TET1: variants seen among roughly 807,000 people sequenced by gnomAD.
The protein encoded by TET1 is tet methylcytosine dioxygenase 1, also known as methylcytosine dioxygenase TET1.
A neutral mutation model predicts 148.7 loss-of-function variants in TET1; 13 were observed. The ratio of observed to expected loss-of-function variants is 0.09; its 90% CI spans 0.06 to 0.14. The LOEUF (loss-of-function observed/expected upper bound fraction) is 0.14. Among genes scored for constraint, TET1 ranks in the 10% least tolerant of loss-of-function variants. The pLI, the probability that TET1 is intolerant of heterozygous loss-of-function variation, is 1.00. For synonymous variants in TET1, 907 were observed against 937.2 expected (o/e 0.97, Z 0.59); for missense variants, 2,182 against 2,553.8 (o/e 0.85, Z 3.14).
chr10:68,597,042 T>G (rs1362021557), intron 2 of TET1, among the ~76,000 whole-genome samples: 1 of 144,122 alleles, frequency 6.9e-6, no homozygotes, highest in Admixed American at 6.9e-5. Flanking sequence ...TTTTTTTTTT[T>G]TTTTTTTTTG....
At chr10:68,636,334 C>T (rs2054649285) in intron 3 of TET1, among the ~76,000 whole-genome samples, 3 of 152,174 alleles carry the variant, frequency 2.0e-5, no homozygotes, top group African/African-American at 4.8e-5. Context: ...ACAACCTGCT[C>T]AACTTCCCCT....
chr10:68,568,129 T>A (rs1373578279), intron 1 of TET1, among the ~76,000 whole-genome samples: 1 of 151,698 alleles, frequency 6.6e-6, no homozygotes, highest in Non-Finnish European at 1.5e-5. Flanking sequence ...CCACCCACCT[T>A]GGCCTCCCAA....
At chr10:68,562,236 A>G (rs1192443246) in intron 1 of TET1, among the ~76,000 whole-genome samples, 2 of 152,110 alleles carry the variant, frequency 1.3e-5, no homozygotes, top group Non-Finnish European at 2.9e-5. Context: ...AAATAAAAGC[A>G]ATGGTTTAAT....
chr10:68,592,695 A>C (rs1337708179), intron 2 of TET1, among the ~76,000 whole-genome samples: 7 of 151,296 alleles, frequency 4.6e-5, no homozygotes, highest in Non-Finnish European at 8.8e-5. Flanking sequence ...TGTGGGGCAC[A>C]CTCCTTTCTT....
At position 68,631,774 on chromosome 10, in the gene TET1, A is replaced by G. The variant is rs185978438; in HGVS notation, c.1969-12924A>G. 2.1e-3 allele frequency among the ~76,000 whole-genome samples: 319 copies of G among 152,324 alleles called. 1 individual carries two copies. Among genetic ancestry groups the G allele is most frequent in the Admixed American group, 4.4e-3 (67 of 15,282 alleles). On this transcript the variant is annotated intron_variant, in intron 3 of 11. Coordinates refer to ENST00000373644, the MANE Select transcript of TET1 (RefSeq NM_030625.3). The stretch of plus-strand genomic sequence containing the variant: ...CGGTATTCTTGCAGCTTATGTTCTT[A>G]GAAAGCTGAGACGTAAATAGACATT...
chr10:68,561,598 CG>C (rs2133654662), intron 1 of TET1, among the ~76,000 whole-genome samples: 1 of 152,212 alleles, frequency 6.6e-6, no homozygotes, highest in African/African-American at 2.4e-5. Flanking sequence ...TCGTGCAGCA[CG>C]TGAGGGGCCT....
At chr10:68,657,238 G>A (rs533975074) in intron 6 of TET1, among the ~76,000 whole-genome samples, 200 of 151,982 alleles carry the variant, frequency 1.3e-3, no homozygotes, top group Admixed American at 3.5e-3. Context: ...GTGCAGTGGC[G>A]TGATCTCGGC....
At chr10:68,658,355 T>A (rs1212677071) in intron 6 of TET1, among the ~76,000 whole-genome samples, 2 of 152,046 alleles carry the variant, frequency 1.3e-5, no homozygotes, top group Non-Finnish European at 2.9e-5. Context: ...CCCAGGCTGG[T>A]CTCAAACTCC....
chr10:68,595,612 C>CTTTTTTTTTTTTTGTTTTTTTTTT (rs2053968849), intron 2 of TET1, among the ~76,000 whole-genome samples: 1 of 76,516 alleles, frequency 1.3e-5, no homozygotes, highest in Non-Finnish European at 2.5e-5. Context: ...CACACAGCTT[C>CTTTTTTTTTTTTTGTTTTTTTTTT]TTTTTTTTTT....
At position 68,613,160 on chromosome 10, in the gene TET1, GTC is replaced by G. The variant is rs562992823; in HGVS notation, c.1968+12130_1968+12131del. 1.4e-4 allele frequency among the ~76,000 whole-genome samples: 21 copies of G among 152,324 alleles called. No homozygotes were observed. In the South Asian group the frequency reaches 4.1e-3, roughly 30 times the overall value. On this transcript the variant is annotated intron_variant, in intron 3 of 11. Transcript: ENST00000373644. ...TCAAATCATTGATCCAGCGTTGATA[GTC>G]TCTGTAATTAATTGCTATGGCAAAT...
rs761037648 is a variant in TET1 at position 68,690,875 on chromosome 10, T to C, written c.5472T>C (p.Ser1824=). Residue 1824 remains serine (S), a synonymous_variant, in exon 12 of 12, where the codon AGT becomes AGC. Coordinates refer to ENST00000373644, the MANE Select transcript of TET1 (RefSeq NM_030625.3). ...CCGAACCCCATTTTATCTTAAAAAG[T>C]TCAGACAACACTAAAACTTATTCGC... The part of the protein sequence containing the change: ...SETEPHFILK[S]SDNTKTYSLM... The C allele has an allele frequency of 7.4e-6, 12 of 1,614,152 alleles. No individual in the cohort carries two copies. In the South Asian group the frequency reaches 1.2e-4, roughly 16 times the overall value.
In TET1 at chr10:68,682,971, G is replaced by A. The variant is rs200371130; in HGVS notation, c.5050G>A (p.Val1684Met). ...DIHNMNNGSTVVCTLTREDNR... is the reference protein window; with the variant it reads ...DIHNMNNGSTMVCTLTREDNR... ...TCACAACATGAATAATGGAAGCACT[G>A]TGGTATGTACCTGTGTGAATTTGTA... Residue 1684 changes from valine to methionine, a missense_variant and splice_region_variant, in exon 10 of 12, where the codon GTG becomes ATG. Coordinates refer to ENST00000373644, the MANE Select transcript of TET1 (RefSeq NM_030625.3). 5 of 1,613,726 alleles carry A rather than the reference G, an allele frequency of 3.1e-6. No individual in the cohort carries two copies. In the East Asian group the frequency reaches 8.9e-5, roughly 29 times the overall value.
chr10:68,634,345 A>T (rs1159854800), intron 3 of TET1, among the ~76,000 whole-genome samples: 1 of 152,236 alleles, frequency 6.6e-6, no homozygotes, highest in Non-Finnish European at 1.5e-5. Flanking sequence ...ACATCCTTTG[A>T]CACACAAATG....
At position 68,646,089 on chromosome 10, in the gene TET1, G is replaced by A; in HGVS notation, c.3360G>A (p.Lys1120=). ...TACAGCAAAAATACAATCAGGAGAA[G>A]GGCACAATACAACAGAAACCACCTT... ...CNVQQKYNQE[K]GTIQQKPPSS... Residue 1120 remains lysine, a synonymous_variant, in exon 4 of 12, where the codon AAG becomes AAA. Coordinates refer to ENST00000373644, the MANE Select transcript of TET1 (RefSeq NM_030625.3). 8 of 1,613,964 alleles carry A rather than the reference G, an allele frequency of 5.0e-6. No individual in the cohort carries two copies. The highest frequency in any genetic ancestry group is 6.8e-6 in the Non-Finnish European group (8 of 1,179,996).
Position 68,673,097 on chromosome 10 carries a change from A to G in TET1, c.4824+52A>G, listed in dbSNP as rs780457297. On this transcript the variant is annotated intron_variant, in intron 8 of 11. Transcript: ENST00000373644. ...TTTATTTTTGAATTACACATTGAAT[A>G]TGTAAGTGCATTCCTTTAACATTTT... 376 of 1,502,568 alleles carry G rather than the reference A, an allele frequency of 2.5e-4. 1 individual carries two copies. Among genetic ancestry groups the G allele is most frequent in the Non-Finnish European group, 3.2e-4 (357 of 1,105,474 alleles). 93.1% of individuals were successfully genotyped at this position (1,502,568 alleles called of 1,614,324 possible).
intron 8 of TET1, among the ~76,000 whole-genome samples, chr10:68,678,481 G>A (rs2055393298): frequency 6.6e-6 from 1 of 152,172 alleles, no homozygotes; most frequent in Non-Finnish European, 1.5e-5. Context: ...CTGGTGTGGT[G>A]GCTTACATCT....
intron 6 of TET1, among the ~76,000 whole-genome samples, chr10:68,653,669 T>C (rs1018412228): frequency 6.6e-5 from 10 of 152,212 alleles, no homozygotes; most frequent in Non-Finnish European, 1.5e-4. Flanking sequence ...ACATGTTTCT[T>C]GTTTTTGTAC....
chr10:68,644,041 AT>A (rs1330134390), intron 3 of TET1, among the ~76,000 whole-genome samples: 1 of 150,204 alleles, frequency 6.7e-6, no homozygotes, highest in Admixed American at 6.7e-5. Context: ...AGTAGCTGGG[AT>A]TACAGGTGTG....
Position 68,573,164 on chromosome 10 carries a change from C to T in TET1, c.826C>T (p.Arg276Ter). Residue 276 changes from arginine to a stop codon, truncating the protein, a stop_gained, in exon 2 of 12, where the codon CGA becomes TGA. Transcript: ENST00000373644. LOFTEE classifies it high-confidence loss of function. ...CATTCAGTTAGAAGAGTTGGGTTCA[C>T]GAGTAGAATCTCTTAAGTTATCTGA... is the stretch of plus-strand genomic sequence containing the variant. ...PSIQLEELGS[R>*]VESLKLSDSY... 6.2e-7 allele frequency: 1 copy of T among 1,614,102 alleles called. No homozygotes were observed. The highest frequency in any genetic ancestry group is 8.5e-7 in the Non-Finnish European group (1 of 1,180,020).
Sources: allele counts gnomAD v4.1 joint callset (sites outside exome capture counted in the v4.1 genomes callset), GRCh38; gene constraint gnomAD v4.1.1; transcripts MANE v1.5; gene names NCBI Gene and HGNC (gene_info 2026-07-23, HGNC 2026-07-21).